LRPPRC: variants seen among roughly 807,000 people sequenced by gnomAD.
The protein encoded by LRPPRC is leucine-rich PPR motif-containing protein, mitochondrial.
In LRPPRC, 120 loss-of-function variants were observed where a neutral mutation model predicts 180.3. The ratio of observed to expected loss-of-function variants is 0.67; its 90% CI spans 0.57 to 0.77. The LOEUF (loss-of-function observed/expected upper bound fraction) is 0.77. Among genes scored for constraint, LRPPRC ranks in the 30% least tolerant of loss-of-function variants. The probability of loss-of-function intolerance (pLI) is 0.00; values close to 1 mark genes in which losing one functional copy is unlikely to be tolerated. For missense variants in LRPPRC, 2,012 were observed against 1,657.2 expected, an observed-to-expected ratio of 1.21 and a Z score of -3.72; for synonymous variants, 723 against 600.0, an observed-to-expected ratio of 1.21 and a Z score of -3.00.
At chr2:43,964,530 G>C (rs1673476407) in intron 11 of LRPPRC, among the ~76,000 whole-genome samples, 1 of 151,850 alleles carries the variant, frequency 6.6e-6, no homozygotes. Context: ...CCTGTTTCTG[G>C]CCTACTAGAG....
chr2:43,947,376 G>A lies in LRPPRC; in HGVS notation c.1966-6C>T. ...GATGATGTAAGTTGCACAGTCTACA[G>A]AAAAGAAAAAAGAAAAGAAAAATTT... On this transcript the variant is annotated splice_polypyrimidine_tract_variant and splice_region_variant and intron_variant, in intron 19 of 37. Transcript: ENST00000260665. 2.1e-6 allele frequency: 3 copies of A among 1,448,392 alleles called. No homozygotes were observed. The highest frequency in any genetic ancestry group is 1.9e-6 in the Non-Finnish European group (2 of 1,031,650). The allele number at this position is 1,448,392 out of a possible 1,614,324, so 89.7% of individuals were successfully genotyped here.
chr2:43,969,353 A>G (rs1313634845), intron 11 of LRPPRC, among the ~76,000 whole-genome samples: 1 of 151,568 alleles, frequency 6.6e-6, no homozygotes, highest in Admixed American at 6.6e-5. Flanking sequence ...CAGAGCTTGC[A>G]GTGAGCCGAC....
intron 1 of LRPPRC, among the ~76,000 whole-genome samples, chr2:43,988,830 ACCACGCCTGACCAAATG>A (rs1475410559): frequency 6.6e-6 from 1 of 152,074 alleles, no homozygotes; most frequent in Non-Finnish European, 1.5e-5. Flanking sequence ...GGCATGAGCC[ACCACGCCTGACCAAATG>A]CCTCTGAGTT....
Position 43,948,111 on chromosome 2 carries a change from T to C in LRPPRC, c.1920+11A>G, listed in dbSNP as rs373513189. 1.2e-4 allele frequency: 179 copies of C among 1,529,524 alleles called. 1 individual carries two copies. The Middle Eastern group carries it at 1.7e-3, about 14-fold the overall frequency. The allele number at this position is 1,529,524 out of a possible 1,614,324, so 94.7% of individuals were successfully genotyped here. On this transcript the variant is annotated intron_variant, in intron 18 of 37. Transcript: ENST00000260665. ...AGCATTTTATCCAGTTGATTGCTAT[T>C]TCACACACACCTTAATCAATTCAGG...
At position 43,974,774 on chromosome 2, in the gene LRPPRC, G is replaced by C. The variant is rs1673975994; in HGVS notation, c.865-16C>G. 1 of 1,610,770 alleles carries C rather than the reference G, an allele frequency of 6.2e-7. No homozygotes were observed. Among genetic ancestry groups the C allele is most frequent in the Non-Finnish European group, 8.5e-7 (1 of 1,177,160 alleles). On this transcript the variant is annotated splice_polypyrimidine_tract_variant and intron_variant, in intron 7 of 37. Coordinates refer to ENST00000260665, the MANE Select transcript of LRPPRC (RefSeq NM_133259.4). ...TCTCCAGAGTCTATAGAGAGTTCCA[G>C]AAATTAGAAGACAAAGTTAGAGTGT...
At chr2:43,946,294 A>T in intron 20 of LRPPRC, 51 bp from the exon 21 acceptor site, 1 of 1,445,726 alleles carries the variant, frequency 6.9e-7, no homozygotes, top group Non-Finnish European at 9.7e-7. Flanking sequence ...GAAGGTAAAA[A>T]TGTCACATTT....
intron 30 of LRPPRC, among the ~76,000 whole-genome samples, chr2:43,911,139 G>C (rs894120245): frequency 2.7e-5 from 3 of 112,186 alleles, no homozygotes; most frequent in Middle Eastern, 8.1e-3. Flanking sequence ...AGGGTATATC[G>C]AGTGTTCTAG....
intron 1 of LRPPRC, among the ~76,000 whole-genome samples, chr2:43,990,784 C>T (rs1674739627): frequency 6.6e-6 from 1 of 151,776 alleles, no homozygotes; most frequent in Non-Finnish European, 1.5e-5. Context: ...TAAATCTACA[C>T]TCACAGAGCA....
At position 43,946,331 on chromosome 2, in the gene LRPPRC, A is replaced by T. The variant is rs1672681359; in HGVS notation, c.2080-88T>A. On this transcript the variant is annotated intron_variant, in intron 20 of 37. Coordinates refer to ENST00000260665, the MANE Select transcript of LRPPRC (RefSeq NM_133259.4). The stretch of plus-strand genomic sequence containing the variant: ...TAGCTTTACTGTTCAGAGTTTAGAA[A>T]AAGTTAATAGTACTTTAAAAATAAA... 1.2e-5 allele frequency: 12 copies of T among 983,346 alleles called. No individual in the cohort carries two copies. The South Asian group carries it at 1.6e-4, about 13-fold the overall frequency. The allele number at this position is 983,346 out of a possible 1,614,324, so 60.9% of individuals were successfully genotyped here.
At chr2:43,957,338 A>C in intron 14 of LRPPRC, 47 bp downstream of exon 14, 1 of 1,252,946 alleles carries the variant, frequency 8.0e-7, no homozygotes, top group Non-Finnish European at 1.2e-6. Context: ...AGGACAGGAG[A>C]AATCAGTCCA....
intron 30 of LRPPRC, among the ~76,000 whole-genome samples, chr2:43,906,967 G>C (rs1405831102): frequency 2.0e-5 from 3 of 152,128 alleles, no homozygotes; most frequent in Admixed American, 6.5e-5. Flanking sequence ...TCATGCATGA[G>C]ACTAAGAATT....
chr2:43,924,040 C>T (rs1671790298), intron 27 of LRPPRC, among the ~76,000 whole-genome samples: 2 of 152,086 alleles, frequency 1.3e-5, no homozygotes, highest in South Asian at 4.2e-4. Flanking sequence ...TTCAATACAA[C>T]CAAAAACTGG....
intron 1 of LRPPRC, among the ~76,000 whole-genome samples, chr2:43,990,915 G>C (rs146844770): frequency 6.7e-6 from 1 of 150,230 alleles, no homozygotes; most frequent in Admixed American, 6.7e-5. Context: ...GCGTGATCTC[G>C]GCTCACTGCA....
intron 27 of LRPPRC, among the ~76,000 whole-genome samples, chr2:43,919,491 TTA>T (rs1671620428): frequency 1.3e-5 from 2 of 152,206 alleles, no homozygotes; most frequent in African/African-American, 4.8e-5. Context: ...TGGAATCTTC[TTA>T]GATTTCTTAT....
At position 43,948,163 on chromosome 2, in the gene LRPPRC, G is replaced by C; in HGVS notation, c.1879C>G (p.Arg627Gly). The change falls in exon 18 of 38, where the codon CGT becomes GGT. Residue 627 changes from arginine (R) to glycine (G), a missense_variant. Coordinates refer to ENST00000260665, the MANE Select transcript of LRPPRC (RefSeq NM_133259.4). ...ACATGGTAGCTTTCCAGGAGATTAC[G>C]AATGCCTCTGTAGATATTTTCAGGA... ...KIPENIYRGI[R>G]NLLESYHVPE... 1 of 1,606,858 alleles carries C rather than the reference G, an allele frequency of 6.2e-7. No homozygotes were observed. Among genetic ancestry groups the C allele is most frequent in the Non-Finnish European group, 8.5e-7 (1 of 1,173,582 alleles).
chr2:43,891,863 G>A (rs1235199905), intron 36 of LRPPRC, among the ~76,000 whole-genome samples: 1 of 152,246 alleles, frequency 6.6e-6, no homozygotes, highest in Admixed American at 6.5e-5. Context: ...ACAGCCAGTT[G>A]TGAATGCAAA....
At position 43,915,308 on chromosome 2, in the gene LRPPRC, T is replaced by G. The variant is rs190966256; in HGVS notation, c.3148+2717A>C. On this transcript the variant is annotated intron_variant, in intron 29 of 37. Transcript: ENST00000260665. ...CATCAGAACATTTACATAGTATTAA[T>G]CAAGCTTAATTTTATACTTCGCTTT... Among the ~76,000 whole-genome samples, 18 of 150,260 alleles carry G rather than the reference T, an allele frequency of 1.2e-4. No homozygotes were observed. In the East Asian group the frequency reaches 3.5e-3, roughly 29 times the overall value.
chr2:43,994,049 TCTC>T (rs1319906764), intron 1 of LRPPRC, among the ~76,000 whole-genome samples: 1 of 151,922 alleles, frequency 6.6e-6, no homozygotes, highest in Non-Finnish European at 1.5e-5. Flanking sequence ...TTTATTCAGT[TCTC>T]CTCAAATGCA....
intron 1 of LRPPRC, among the ~76,000 whole-genome samples, chr2:43,989,435 G>A (rs2103772319): frequency 6.6e-6 from 1 of 152,312 alleles, no homozygotes; most frequent in Non-Finnish European, 1.5e-5. Flanking sequence ...ACCTATGGAG[G>A]AAGTAATGCA....
Sources: gnomAD v4.1 joint callset for allele counts (sites outside exome capture counted in the v4.1 genomes callset) on GRCh38, gnomAD v4.1.1 for gene constraint, MANE v1.5 for transcripts, NCBI Gene and HGNC (gene_info 2026-07-23, HGNC 2026-07-21) for gene names.